Variants in LRP1B observed in about 807,000 individuals in gnomAD.
The protein encoded by LRP1B is LDL receptor related protein 1B.
LRP1B carries 217 observed loss-of-function variants against 556.6 expected under a neutral mutation model. That is an observed-to-expected ratio of 0.39 (90% CI 0.35 to 0.44). LRP1B has a LOEUF of 0.44. Among genes scored for constraint, LRP1B ranks in the 20% least tolerant of loss-of-function variants. The probability of loss-of-function intolerance (pLI) is 1.00; values close to 1 mark genes in which losing one functional copy is unlikely to be tolerated. For synonymous variants in LRP1B, 2,047 were observed against 1,865.8 expected, an observed-to-expected ratio of 1.10 and a Z score of -2.50; for missense variants, 5,053 against 5,620.8, an observed-to-expected ratio of 0.90 and a Z score of 3.23.
At chr2:141,737,713 T>G (rs1693539759) in intron 2 of LRP1B, among the ~76,000 whole-genome samples, 1 of 152,158 alleles carries the variant, frequency 6.6e-6, no homozygotes, top group African/African-American at 2.4e-5. Context: ...GAATAGTGGA[T>G]TGCTTGTAAA....
intron 1 of LRP1B, among the ~76,000 whole-genome samples, chr2:142,053,149 G>A (rs1285099108): frequency 6.6e-6 from 1 of 152,120 alleles, no homozygotes; most frequent in Admixed American, 6.6e-5. Context: ...ATCTCTGAAA[G>A]CAGAGAACAC....
At chr2:141,905,694 A>T (rs1050004241) in intron 1 of LRP1B, among the ~76,000 whole-genome samples, 1 of 150,884 alleles carries the variant, frequency 6.6e-6, no homozygotes, top group African/African-American at 2.4e-5. Context: ...GAATGCTTCC[A>T]TGTGTGAGAA....
chr2:140,928,776 A>T (rs781400556), intron 20 of LRP1B, among the ~76,000 whole-genome samples: 1 of 152,144 alleles, frequency 6.6e-6, no homozygotes, highest in Non-Finnish European at 1.5e-5. Flanking sequence ...CTTGAGTGAG[A>T]CCAAAATGAC....
At chr2:140,579,076 A>C (rs963941457) in intron 43 of LRP1B, among the ~76,000 whole-genome samples, 2 of 152,148 alleles carry the variant, frequency 1.3e-5, no homozygotes, top group African/African-American at 4.8e-5. Flanking sequence ...AAAAAAGAGG[A>C]AAGGGAGCAA....
chr2:141,693,900 T>A (rs1691635200), intron 2 of LRP1B, among the ~76,000 whole-genome samples: 1 of 152,104 alleles, frequency 6.6e-6, no homozygotes, highest in Middle Eastern at 3.4e-3. Context: ...AGGTTGTAGA[T>A]GGAGTCTGGG....
chr2:141,372,043 G>A (rs1689245812), intron 3 of LRP1B, among the ~76,000 whole-genome samples: 1 of 151,826 alleles, frequency 6.6e-6, no homozygotes, highest in Admixed American at 6.6e-5. Context: ...TGTTTCTTCT[G>A]TCCCTAATTT....
At chr2:140,838,478 T>C (rs1036644700) in intron 31 of LRP1B, among the ~76,000 whole-genome samples, 2 of 152,164 alleles carry the variant, frequency 1.3e-5, no homozygotes, top group Non-Finnish European at 2.9e-5. Context: ...TCATTTTATA[T>C]GAGAGGTTTA....
chr2:141,050,307 A>G (rs1466325088), intron 10 of LRP1B, among the ~76,000 whole-genome samples: 2 of 151,912 alleles, frequency 1.3e-5, no homozygotes, highest in Admixed American at 6.6e-5. Flanking sequence ...TGAATATTAA[A>G]TATATATAAA....
intron 3 of LRP1B, among the ~76,000 whole-genome samples, chr2:141,384,271 C>T (rs757095627): frequency 3.9e-4 from 59 of 151,436 alleles, no homozygotes; most frequent in Admixed American, 1.5e-3. Flanking sequence ...TGAAAGGATA[C>T]TAGAAAGGAA....
chr2:140,442,440 C>A (rs1476925814), intron 66 of LRP1B, 64 bp downstream of exon 66: 59 of 1,554,110 alleles, frequency 3.8e-5, no homozygotes, highest in Non-Finnish European at 1.9e-5. Flanking sequence ...ATTTGTTTAA[C>A]TGTGGTTGTC....
chr2:141,831,805 ATAT>A (rs376387998), intron 1 of LRP1B, among the ~76,000 whole-genome samples: 6 of 151,832 alleles, frequency 4.0e-5, no homozygotes, highest in Middle Eastern at 3.4e-3. Context: ...CGCTCAAAAA[ATAT>A]TATTATTTCA....
chr2:140,413,806 A>C (rs569845277), intron 66 of LRP1B, among the ~76,000 whole-genome samples: 98 of 152,340 alleles, frequency 6.4e-4, no homozygotes, highest in Middle Eastern at 3.4e-3. Flanking sequence ...GCTGTCATCT[A>C]TTTATTGATA....
At chr2:141,536,064 A>T (rs1685060932) in intron 2 of LRP1B, among the ~76,000 whole-genome samples, 1 of 152,124 alleles carries the variant, frequency 6.6e-6, no homozygotes, top group African/African-American at 2.4e-5. Flanking sequence ...GTGTAATCAG[A>T]CTTCTTTATA....
intron 1 of LRP1B, among the ~76,000 whole-genome samples, chr2:142,102,310 G>GACAC (rs545948639): frequency 1.3e-5 from 2 of 150,984 alleles, no homozygotes; most frequent in Admixed American, 6.6e-5. Context: ...AAATGACACA[G>GACAC]ACACACACAC....
chr2:140,674,202 G>A (rs889050883), intron 41 of LRP1B, among the ~76,000 whole-genome samples: 4 of 151,896 alleles, frequency 2.6e-5, no homozygotes, highest in Middle Eastern at 3.4e-3. Flanking sequence ...CACCTGCCTC[G>A]GCCTCCCAAA....
intron 25 of LRP1B, among the ~76,000 whole-genome samples, chr2:140,877,072 T>C (rs1693331665): frequency 6.6e-6 from 1 of 152,184 alleles, no homozygotes; most frequent in Non-Finnish European, 1.5e-5. Context: ...TTTTTCCTTT[T>C]TTCTCCATTT....
At chr2:140,601,153 C>A (rs755744603) in intron 42 of LRP1B, among the ~76,000 whole-genome samples, 8 of 150,298 alleles carry the variant, frequency 5.3e-5, no homozygotes, top group Non-Finnish European at 3.0e-5. Flanking sequence ...TTCCAATCAG[C>A]TATGTATTAA....
intron 13 of LRP1B, among the ~76,000 whole-genome samples, chr2:141,014,449 G>T (rs1157089722): frequency 6.6e-6 from 1 of 151,990 alleles, no homozygotes; most frequent in Non-Finnish European, 1.5e-5. Flanking sequence ...TCACATGTAG[G>T]ATTTTAGAAG....
chr2:140,599,196 A>G (rs927721156), intron 42 of LRP1B, among the ~76,000 whole-genome samples: 3 of 152,140 alleles, frequency 2.0e-5, no homozygotes, highest in Non-Finnish European at 4.4e-5. Context: ...ACTTATTACC[A>G]CATTTCAGCT....
Sources: gnomAD v4.1 joint callset for allele counts (sites outside exome capture counted in the v4.1 genomes callset) on GRCh38, gnomAD v4.1.1 for gene constraint, MANE v1.5 for transcripts, NCBI Gene and HGNC (gene_info 2026-07-23, HGNC 2026-07-21) for gene names.